The following RAI14 variants were observed in gnomAD, a reference collection of about 807,000 sequenced individuals.
RAI14 encodes retinoic acid induced 14.
Under a neutral mutation model 115.4 loss-of-function variants are expected in RAI14, and 45 were observed. That is an observed-to-expected ratio of 0.39 (90% confidence interval 0.31 to 0.50). The LOEUF (loss-of-function observed/expected upper bound fraction) is 0.50. RAI14 is among the 20% of genes least tolerant of loss of function. The pLI is 0.85. For missense variants in RAI14, 939 were observed against 1,131.2 expected (o/e 0.83, Z 2.44); for synonymous variants, 371 against 415.4 (o/e 0.89, Z 1.30).
intron 3 of RAI14, among the ~76,000 whole-genome samples, chr5:34,781,263 C>A (rs1003364200): frequency 1.3e-5 from 2 of 151,574 alleles, no homozygotes; most frequent in African/African-American, 4.9e-5. Context: ...AGGCGATATA[C>A]CTAATGTAAA....
At chr5:34,770,550 C>G (rs770046345) in intron 3 of RAI14, among the ~76,000 whole-genome samples, 1 of 152,118 alleles carries the variant, frequency 6.6e-6, no homozygotes, top group Non-Finnish European at 1.5e-5. Context: ...TTGGACTGTG[C>G]GAATAAACCT....
At chr5:34,813,851 C>G (rs1050153037) in intron 11 of RAI14, among the ~76,000 whole-genome samples, 191 bp downstream of exon 11, 3 of 152,098 alleles carry the variant, frequency 2.0e-5, no homozygotes, top group Non-Finnish European at 4.4e-5. Flanking sequence ...AATGTTGATT[C>G]TTATCTATTT....
chr5:34,676,555 G>A (rs1462073304), intron 1 of RAI14, among the ~76,000 whole-genome samples: 1 of 152,160 alleles, frequency 6.6e-6, no homozygotes, highest in African/African-American at 2.4e-5. Context: ...TAGGCTTATT[G>A]GAGCATGTGA....
intron 4 of RAI14, among the ~76,000 whole-genome samples, chr5:34,802,188 G>A (rs552697290): frequency 3.3e-5 from 5 of 152,306 alleles, no homozygotes; most frequent in Non-Finnish European, 5.9e-5. Context: ...AGAGGCCAGC[G>A]ATGCTGCCTA....
chr5:34,807,259 C>G (rs777946047), intron 5 of RAI14, among the ~76,000 whole-genome samples: 3 of 152,000 alleles, frequency 2.0e-5, no homozygotes, highest in Non-Finnish European at 4.4e-5. Context: ...TAAGATGAGC[C>G]AAGCAGGGCT....
rs768787707 is a variant in RAI14 at position 34,757,509 on chromosome 5, C to T, written c.78C>T (p.Ala26=). 1.1e-5 allele frequency: 18 copies of T among 1,613,760 alleles called. No homozygotes were observed. The African/African-American group carries it at 1.5e-4, about 13-fold the overall frequency. ...WNKNDDRLLQ[A]VENGDAEKVA... ...AGAATGATGACCGGCTACTGCAGGC[C>T]GTGGAGAATGGAGATGCGGAGAAGG... is the stretch of plus-strand genomic sequence containing the variant. Residue 26 remains alanine (A), a synonymous_variant, in exon 3 of 18, where the codon GCC becomes GCT. Transcript: ENST00000265109.
At position 34,668,148 on chromosome 5, in the gene RAI14, C is replaced by T. The variant is rs371292627; in HGVS notation, c.-49+11673C>T. Among the ~76,000 whole-genome samples the T allele has an allele frequency of 3.3e-5, 5 of 152,198 alleles. No homozygotes were observed. In the East Asian group the frequency reaches 9.7e-4, roughly 29 times the overall value. ...TGGACTCACGCGTATAATCCCAGCACTTTGGGAGGCTGAGGCAGGTGGATC... is the reference window on the plus strand; with the variant it reads ...TGGACTCACGCGTATAATCCCAGCATTTTGGGAGGCTGAGGCAGGTGGATC... On this transcript the variant is annotated intron_variant, in intron 1 of 17. Transcript: ENST00000265109.
intron 1 of RAI14, among the ~76,000 whole-genome samples, chr5:34,670,416 C>G (rs563580714): frequency 2.6e-5 from 4 of 152,264 alleles, no homozygotes; most frequent in African/African-American, 9.6e-5. Flanking sequence ...GAATTTAATT[C>G]TGAAGTGCTT....
chr5:34,728,969 A>C (rs185658642), intron 2 of RAI14, among the ~76,000 whole-genome samples: 5 of 152,206 alleles, frequency 3.3e-5, no homozygotes, highest in Non-Finnish European at 7.4e-5. Flanking sequence ...TGAGAGTTGA[A>C]ATTATAAAAT....
chr5:34,803,596 G>A (rs1482620006), intron 4 of RAI14, 116 bp from the exon 5 acceptor site: 61 of 857,048 alleles, frequency 7.1e-5, no homozygotes, highest in Middle Eastern at 3.6e-4. Flanking sequence ...ACACAGTTCC[G>A]TCTTTTTTGG....
Position 34,823,560 on chromosome 5 carries a change from T to G in RAI14, c.1718T>G (p.Val573Gly), listed in dbSNP as rs186771212. The G allele has an allele frequency of 6.2e-7, 1 of 1,614,152 alleles. No homozygotes were observed. Among genetic ancestry groups the G allele is most frequent in the Non-Finnish European group, 8.5e-7 (1 of 1,180,014 alleles). The change falls in exon 15 of 18, where the codon GTG (valine) becomes GGG (glycine). Residue 573 changes from valine to glycine, a missense_variant. By Grantham distance (109) the Val-to-Gly change is moderately radical. Transcript: ENST00000265109. This position sits in a 1 kb window ranked among gnomAD's most constrained non-coding sequence, Gnocchi z 4.5. ...REKGTVIKPPVEEYEEMKSSY... is the reference protein window; with the variant it reads ...REKGTVIKPPGEEYEEMKSSY... ...AAAGGTACAGTGATTAAGCCACCTG[T>G]GGAAGAGTACGAGGAAATGAAAAGT...
At chr5:34,748,482 T>C (rs560027778) in intron 2 of RAI14, among the ~76,000 whole-genome samples, 1 of 152,324 alleles carries the variant, frequency 6.6e-6, no homozygotes, top group African/African-American at 2.4e-5. Flanking sequence ...TCTTTTCTTC[T>C]CTCCTTTAAT....
rs1237183746 is a variant in RAI14 at position 34,832,103 on chromosome 5, G to T, written c.*1338G>T. On this transcript the variant is annotated 3_prime_UTR_variant, in exon 18 of 18. Coordinates refer to ENST00000265109, the MANE Select transcript of RAI14 (RefSeq NM_015577.3). The stretch of plus-strand genomic sequence containing the variant: ...CAACTTCCCTTATGGCATTAATCTT[G>T]TTGAGGGAGAGAGACAGAATCCTGG... 6.6e-6 allele frequency: 1 copy of T among 152,226 alleles called. No individual in the cohort carries two copies. The highest frequency in any genetic ancestry group is 2.1e-4 in the South Asian group (1 of 4,822). 9.4% of individuals were successfully genotyped at this position (152,226 alleles called of 1,614,324 possible). A position where few individuals can be genotyped will look rare whatever the true frequency, so the allele number is the denominator to read the frequency against.
At chr5:34,809,245 C>T (rs7702657) in intron 7 of RAI14, among the ~76,000 whole-genome samples, 8 of 151,936 alleles carry the variant, frequency 5.3e-5, no homozygotes, top group African/African-American at 1.5e-4. Flanking sequence ...TATTATTTTC[C>T]CATCACTCTA....
chr5:34,766,807 C>T (rs1480641685), intron 3 of RAI14, among the ~76,000 whole-genome samples: 2 of 152,042 alleles, frequency 1.3e-5, no homozygotes, highest in African/African-American at 2.4e-5. Flanking sequence ...GCTCTGTGTC[C>T]CTACCCAAAT....
At chr5:34,789,107 C>G (rs1489839089) in intron 3 of RAI14, among the ~76,000 whole-genome samples, 1 of 152,170 alleles carries the variant, frequency 6.6e-6, no homozygotes, top group Admixed American at 6.5e-5. Context: ...TGAGAGGGCA[C>G]CAGTCATGCT....
chr5:34,777,999 G>C (rs979992545), intron 3 of RAI14, among the ~76,000 whole-genome samples: 5 of 152,158 alleles, frequency 3.3e-5, no homozygotes, highest in African/African-American at 1.2e-4. Flanking sequence ...ATGTAGAAGA[G>C]AGGACTTTAA....
chr5:34,748,018 G>T (rs560161358), intron 2 of RAI14, among the ~76,000 whole-genome samples: 1 of 152,338 alleles, frequency 6.6e-6, no homozygotes, highest in South Asian at 2.1e-4. Context: ...CCTGGTCCTG[G>T]TGGCCATGAA....
At chr5:34,732,650 G>T (rs1158538345) in intron 2 of RAI14, among the ~76,000 whole-genome samples, 1 of 151,386 alleles carries the variant, frequency 6.6e-6, no homozygotes, top group Non-Finnish European at 1.5e-5. Context: ...CGTTGGCCAG[G>T]CTGGTCTTGA....
Sources: allele counts gnomAD v4.1 joint callset (sites outside exome capture counted in the v4.1 genomes callset), GRCh38; gene constraint gnomAD v4.1.1; non-coding constraint Gnocchi (gnomAD v3.1); transcripts MANE v1.5; gene names NCBI Gene and HGNC (gene_info 2026-07-23, HGNC 2026-07-21).